The following CYP4F8 variants were observed in gnomAD, a reference collection of about 807,000 sequenced individuals.
CYP4F8 encodes the protein cytochrome P450 family 4 subfamily F member 8.
A neutral mutation model predicts 55.0 loss-of-function variants in CYP4F8; 56 were observed. The observed-to-expected ratio is 1.02, with a 90% CI of 0.82 to 1.27. CYP4F8 has a LOEUF of 1.27. Ranked by LOEUF, CYP4F8 falls within the 50% of genes most tolerant of loss-of-function variation. The pLI, the probability that CYP4F8 is intolerant of heterozygous loss-of-function variation, is 0.00. For missense variants in CYP4F8, 680 were observed against 682.4 expected (o/e 1.00, Z 0.04); for synonymous variants, 288 against 267.3 (o/e 1.08, Z -0.76).
chr19:15,622,686 T>C (rs932074060), intron 6 of CYP4F8: 13 of 364,422 alleles, frequency 3.6e-5, no homozygotes, highest in African/African-American at 6.3e-5. Context: ...CCAAGGTTCC[T>C]AAGGAGCCAT....
intron 2 of CYP4F8, among the ~76,000 whole-genome samples, chr19:15,616,045 C>T: frequency 7.1e-6 from 1 of 141,100 alleles, no homozygotes; most frequent in African/African-American, 2.6e-5. Context: ...CCTCTGCGCA[C>T]TCACTCATTC....
At chr19:15,623,516 TTTAGAGGTGATTGCATAGAAAGCTTCC>T in intron 7 of CYP4F8, 141 bp downstream of exon 7, 1 of 1,453,554 alleles carries the variant, frequency 6.9e-7, no homozygotes, top group Non-Finnish European at 9.3e-7. Context: ...TCAGATAAAT[TTTAGAGGTGATTGCATAGAAAGCTTCC>T]TGGGAAGAAC....
At chr19:15,627,307 A>G (rs8108149) in intron 9 of CYP4F8, 113,640 of 151,782 alleles carry the variant, frequency 0.75, 42,684 homozygotes, top group African/African-American at 0.77. Context: ...AACCCCATCT[A>G]TACTAAAAAT....
rs757777909 is a variant in CYP4F8, at chr19:15,628,402, G to A, written c.1216G>A (p.Val406Met). 1.9e-5 allele frequency: 31 copies of A among 1,614,018 alleles called. 1 individual carries two copies. Among genetic ancestry groups the A allele is most frequent in the South Asian group, 1.9e-4 (17 of 91,092 alleles). Reference protein sequence around the residue: ...PTFARGCTQDVVLPDSRVIPK... With the variant: ...PTFARGCTQDMVLPDSRVIPK... Reference sequence around the variant, plus strand: ...ATTCGCCCGCGGCTGCACCCAGGACGTGGTGCTCCCAGACAGCCGAGTCAT... The same window carrying A: ...ATTCGCCCGCGGCTGCACCCAGGACATGGTGCTCCCAGACAGCCGAGTCAT... Residue 406 changes from valine to methionine, a missense_variant, in exon 10 of 13, where the codon GTG (valine) becomes ATG (methionine). Coordinates refer to ENST00000612078, the MANE Select transcript of CYP4F8 (RefSeq NM_007253.4).
chr19:15,623,236 G>A lies in CYP4F8; in HGVS notation c.779G>A (p.Cys260Tyr). 1 of 1,614,050 alleles carries A rather than the reference G, an allele frequency of 6.2e-7. No homozygotes were observed. The highest frequency in any genetic ancestry group is 8.5e-7 in the Non-Finnish European group (1 of 1,180,020). ...TPCGRRFHRA[C>Y]RLVHDFTDAV... ...TGTGGACGGCGCTTCCACAGGGCCT[G>A]CAGACTGGTGCACGACTTCACAGAT... The change falls in exon 7 of 13, where the codon TGC (cysteine) becomes TAC (tyrosine). Residue 260 changes from cysteine to tyrosine, a missense_variant. Coordinates refer to ENST00000612078, the MANE Select transcript of CYP4F8 (RefSeq NM_007253.4).
chr19:15,615,562 C>G (rs1972103691), intron 1 of CYP4F8, 54 bp from the exon 2 acceptor site: 11 of 1,582,388 alleles, frequency 7.0e-6, no homozygotes, highest in Non-Finnish European at 7.7e-6. Flanking sequence ...CTGGAGCTCC[C>G]CAGCCCCTTT....
In CYP4F8 at chr19:15,623,376, G is replaced by T. The variant is rs1345614545; in HGVS notation, c.918+1G>T. On this transcript the variant is annotated splice_donor_variant, in intron 7 of 12. Coordinates refer to ENST00000612078, the MANE Select transcript of CYP4F8 (RefSeq NM_007253.4). LOFTEE classifies it high-confidence loss of function. ...TATTGATGTGCTCCTGCTGAGCGAG[G>T]TGGGCCTCTCTGGGATCTGAATTCA... 6.2e-7 allele frequency: 1 copy of T among 1,612,834 alleles called. No individual in the cohort carries two copies. Among genetic ancestry groups the T allele is most frequent in the Admixed American group, 1.7e-5 (1 of 59,992 alleles).
intron 9 of CYP4F8, among the ~76,000 whole-genome samples, chr19:15,626,828 T>A (rs1289964519): frequency 6.6e-6 from 1 of 152,240 alleles, no homozygotes; most frequent in Non-Finnish European, 1.5e-5. Flanking sequence ...TATGTTATCA[T>A]CTTTTAACAT....
chr19:15,623,572 A>T, intron 7 of CYP4F8, 127 bp from the exon 8 acceptor site: 1 of 996,084 alleles, frequency 1.0e-6, no homozygotes, highest in Non-Finnish European at 1.4e-6. Flanking sequence ...GGTCGGAAGG[A>T]AGCATGTGGG....
At chr19:15,627,678 C>G (rs920369508) in intron 9 of CYP4F8, 1 of 152,252 alleles carries the variant, frequency 6.6e-6, no homozygotes, top group Non-Finnish European at 1.5e-5. Context: ...ATTCAAATAA[C>G]TTTATAAGCC....
Position 15,623,239 on chromosome 19 carries a change from G to C in CYP4F8, c.782G>C (p.Arg261Thr). ...PCGRRFHRAC[R>T]LVHDFTDAVI... ...GGACGGCGCTTCCACAGGGCCTGCA[G>C]ACTGGTGCACGACTTCACAGATGCC... Residue 261 changes from arginine to threonine, a missense_variant, in exon 7 of 13, where the codon AGA becomes ACA. Coordinates refer to ENST00000612078, the MANE Select transcript of CYP4F8 (RefSeq NM_007253.4). 6.2e-7 allele frequency: 1 copy of C among 1,614,092 alleles called. No individual in the cohort carries two copies. Among genetic ancestry groups the C allele is most frequent in the Non-Finnish European group, 8.5e-7 (1 of 1,180,026 alleles).
At chr19:15,620,191 G>A (rs994217783) in intron 5 of CYP4F8, among the ~76,000 whole-genome samples, 2 of 152,146 alleles carry the variant, frequency 1.3e-5, no homozygotes, top group Non-Finnish European at 2.9e-5. Flanking sequence ...TGTGGGTCAG[G>A]TAGGCAGCTT....
intron 3 of CYP4F8, chr19:15,619,055 C>A (rs57486213): frequency 5.6e-6 from 1 of 177,206 alleles, no homozygotes; most frequent in East Asian, 1.5e-4. Flanking sequence ...CTCAACCCCA[C>A]GCAGTCTAAG....
At chr19:15,619,223 C>T (rs2072599) in intron 3 of CYP4F8, 63,540 of 430,566 alleles carry the variant, frequency 0.15, 4,914 homozygotes, top group Middle Eastern at 0.18. Flanking sequence ...TGTTGCAGAA[C>T]ATGTTGGACC....
At chr19:15,619,820 A>C (rs544287992) in intron 5 of CYP4F8, 58 bp downstream of exon 5, 62 of 1,591,624 alleles carry the variant, frequency 3.9e-5, no homozygotes, top group Non-Finnish European at 5.1e-5. Flanking sequence ...GATCACATAC[A>C]ATTGGGTCTG....
rs1347746922 is a variant in CYP4F8 at position 15,623,103 on chromosome 19, A to G, written c.648-2A>G. ...CTTCCTCTCTCTGGACTGGCCCTGC[A>G]GGAAGCCCAGTGAATATATTACTGC... On this transcript the variant is annotated splice_acceptor_variant, in intron 6 of 12. Transcript: ENST00000612078. LOFTEE classifies it high-confidence loss of function. 1 of 1,612,174 alleles carries G rather than the reference A, an allele frequency of 6.2e-7. No homozygotes were observed. The highest frequency in any genetic ancestry group is 1.3e-5 in the African/African-American group (1 of 74,874).
In CYP4F8 at chr19:15,623,754, T is replaced by G. The variant is rs746760838; in HGVS notation, c.974T>G (p.Phe325Cys). Residue 325 changes from phenylalanine to cysteine, a missense_variant, in exon 8 of 13, where the codon TTC becomes TGC. By Grantham distance (205) the Phe-to-Cys change is radical. Transcript: ENST00000612078. ...DEDIRAEADTFMFGGHDTTAS... is the reference protein window; with the variant it reads ...DEDIRAEADTCMFGGHDTTAS... ...GACATAAGAGCAGAAGCTGACACTT[T>G]CATGTTTGGAGGTGAGTGTCCCAGT... is the stretch of plus-strand genomic sequence containing the variant. The G allele has an allele frequency of 4.3e-6, 7 of 1,613,764 alleles. No homozygotes were observed. The South Asian group carries it at 7.7e-5, about 18-fold the overall frequency.
intron 2 of CYP4F8, among the ~76,000 whole-genome samples, chr19:15,617,526 C>CTATG (rs1972139180): frequency 6.6e-6 from 1 of 151,768 alleles, no homozygotes; most frequent in Non-Finnish European, 1.5e-5. Flanking sequence ...ATCTATCTAT[C>CTATG]TATCTATCAG....
intron 9 of CYP4F8, among the ~76,000 whole-genome samples, chr19:15,626,650 G>C (rs1417149580): frequency 5.7e-5 from 7 of 123,224 alleles, no homozygotes. Flanking sequence ...TCTATCTTAG[G>C]CATCTTCTCT....
Sources: allele counts gnomAD v4.1 joint callset (sites outside exome capture counted in the v4.1 genomes callset), GRCh38; gene constraint gnomAD v4.1.1; transcripts MANE v1.5; gene names NCBI Gene and HGNC (gene_info 2026-07-23, HGNC 2026-07-21).